Variants in LINGO2 observed in about 807,000 individuals in gnomAD.
The protein encoded by LINGO2 is leucine-rich repeat and immunoglobulin-like domain-containing nogo receptor-interacting protein 2.
LINGO2 carries 14 observed loss-of-function variants against 30.6 expected under a neutral mutation model. The ratio of observed to expected loss-of-function variants is 0.46; its 90% CI spans 0.30 to 0.72. The LOEUF (loss-of-function observed/expected upper bound fraction) is 0.72. Among genes scored for constraint, LINGO2 ranks in the 30% least tolerant of loss-of-function variants. LINGO2 has a pLI of 0.07. For synonymous variants in LINGO2, 317 were observed against 288.5 expected, an observed-to-expected ratio of 1.10 and a Z score of -1.00; for missense variants, 729 against 751.7, an observed-to-expected ratio of 0.97 and a Z score of 0.35.
At chr9:28,923,264 C>T in the LINGO2 span, among the ~76,000 whole-genome samples, 1 of 152,188 alleles carries the variant, frequency 6.6e-6, no homozygotes, top group African/African-American at 2.4e-5. Flanking sequence ...CAGAGCTCCC[C>T]AGAGACATTG....
chr9:28,811,249 T>A, the LINGO2 span, among the ~76,000 whole-genome samples: 1 of 152,154 alleles, frequency 6.6e-6, no homozygotes, highest in Non-Finnish European at 1.5e-5. Flanking sequence ...AATCATATCT[T>A]GAAACCATCC....
chr9:28,573,488 T>C (rs1414200276), intron 1 of LINGO2, among the ~76,000 whole-genome samples: 2 of 152,176 alleles, frequency 1.3e-5, no homozygotes, highest in Admixed American at 1.3e-4. Flanking sequence ...ATGTTTTTAA[T>C]TAAACAAAAA....
At chr9:28,081,174 C>T (rs965595118) in intron 4 of LINGO2, among the ~76,000 whole-genome samples, 3 of 152,040 alleles carry the variant, frequency 2.0e-5, no homozygotes, top group Admixed American at 1.3e-4. Context: ...CTGGCCTCTA[C>T]CCACTAGATG....
the LINGO2 span, among the ~76,000 whole-genome samples, chr9:28,701,610 T>C: frequency 6.6e-6 from 1 of 151,970 alleles, no homozygotes; most frequent in Admixed American, 6.6e-5. Flanking sequence ...TTCAATATTG[T>C]GTTAGCTATT....
At chr9:28,501,975 G>C (rs553512040) in intron 1 of LINGO2, among the ~76,000 whole-genome samples, 5 of 152,090 alleles carry the variant, frequency 3.3e-5, no homozygotes, top group African/African-American at 1.2e-4. Context: ...GAGAAAGTAG[G>C]AGGAAGGGAG....
At chr9:28,143,951 A>T (rs1390484309) in intron 4 of LINGO2, among the ~76,000 whole-genome samples, 7 of 152,218 alleles carry the variant, frequency 4.6e-5, no homozygotes, top group Non-Finnish European at 8.8e-5. Context: ...CAGTAAGCAT[A>T]TGCTTAACTT....
At chr9:29,092,697 C>G in the LINGO2 span, among the ~76,000 whole-genome samples, 1 of 136,984 alleles carries the variant, frequency 7.3e-6, no homozygotes, top group Non-Finnish European at 1.6e-5. Context: ...GCCAACAGAG[C>G]ATTTCTGTTA....
the LINGO2 span, among the ~76,000 whole-genome samples, chr9:28,744,965 G>A: frequency 6.6e-6 from 1 of 151,858 alleles, no homozygotes; most frequent in Non-Finnish European, 1.5e-5. Context: ...AACTACCCAG[G>A]AGTGATCCCT....
intron 4 of LINGO2, among the ~76,000 whole-genome samples, chr9:28,181,404 G>C (rs1828906881): frequency 1.3e-5 from 2 of 152,176 alleles, no homozygotes; most frequent in African/African-American, 4.8e-5. Context: ...CAAAGGCTCA[G>C]GCCAGTGGAT....
intron 1 of LINGO2, among the ~76,000 whole-genome samples, chr9:28,666,344 T>C (rs1045106810): frequency 1.3e-5 from 2 of 152,152 alleles, no homozygotes; most frequent in African/African-American, 2.4e-5. Context: ...ATATAACCAA[T>C]GTCAAGACTT....
At chr9:28,636,837 T>G (rs1320750536) in intron 1 of LINGO2, among the ~76,000 whole-genome samples, 1 of 152,196 alleles carries the variant, frequency 6.6e-6, no homozygotes, top group East Asian at 1.9e-4. Flanking sequence ...TAGATCCCAT[T>G]TATCAATTTT....
At chr9:28,173,235 C>T (rs1280443103) in intron 4 of LINGO2, among the ~76,000 whole-genome samples, 1 of 152,120 alleles carries the variant, frequency 6.6e-6, no homozygotes, top group Non-Finnish European at 1.5e-5. Context: ...TCCAATAATA[C>T]CCTGCTTAAA....
At chr9:28,028,654 C>T (rs769232150) in intron 4 of LINGO2, among the ~76,000 whole-genome samples, 9 of 152,096 alleles carry the variant, frequency 5.9e-5, no homozygotes, top group African/African-American at 2.2e-4. Context: ...TGCATGTAAC[C>T]TATGCATATC....
chr9:29,013,798 C>T, the LINGO2 span, among the ~76,000 whole-genome samples: 2 of 152,188 alleles, frequency 1.3e-5, no homozygotes, highest in Middle Eastern at 6.8e-3. Flanking sequence ...TATGGATGCC[C>T]ATGATATATT....
At chr9:28,549,141 T>C (rs1460656444) in intron 1 of LINGO2, among the ~76,000 whole-genome samples, 2 of 152,148 alleles carry the variant, frequency 1.3e-5, no homozygotes, top group East Asian at 3.8e-4. Flanking sequence ...CTATTTTCCA[T>C]CATTTTGAAT....
chr9:29,106,736 T>G, the LINGO2 span, among the ~76,000 whole-genome samples: 1 of 152,180 alleles, frequency 6.6e-6, no homozygotes, highest in African/African-American at 2.4e-5. Context: ...ATATATCCTT[T>G]ATAGACTTTT....
chr9:28,071,334 G>A (rs973086691), intron 4 of LINGO2, among the ~76,000 whole-genome samples: 10 of 152,044 alleles, frequency 6.6e-5, no homozygotes, highest in Non-Finnish European at 1.5e-4. Flanking sequence ...AGTAGGCTAT[G>A]TTCTTTCTCA....
chr9:28,021,509 T>C (rs886245369), intron 4 of LINGO2, among the ~76,000 whole-genome samples: 3 of 152,290 alleles, frequency 2.0e-5, no homozygotes, highest in Admixed American at 2.0e-4. Flanking sequence ...TAGATTAAGT[T>C]GATTGGTAGA....
At chr9:28,071,532 C>G (rs973140570) in intron 4 of LINGO2, among the ~76,000 whole-genome samples, 5 of 150,978 alleles carry the variant, frequency 3.3e-5, no homozygotes, top group Non-Finnish European at 5.9e-5. Context: ...TGTACTTTCC[C>G]AACTATTCTT....
Sources: gnomAD v4.1 joint callset for allele counts (sites outside exome capture counted in the v4.1 genomes callset) on GRCh38, gnomAD v4.1.1 for gene constraint, MANE v1.5 for transcripts, NCBI Gene and HGNC (gene_info 2026-07-23, HGNC 2026-07-21) for gene names.